The following KLF7 variants were observed in gnomAD, a reference collection of about 807,000 sequenced individuals.
KLF7 encodes the protein Krueppel-like factor 7.
In KLF7, 2 loss-of-function variants were observed where a neutral mutation model predicts 27.3. The ratio of observed to expected loss-of-function variants is 0.07; its 90% CI spans 0.03 to 0.23. The LOEUF (loss-of-function observed/expected upper bound fraction) is 0.23, where lower values mean the gene tolerates loss of function less well. Ranked by LOEUF, KLF7 falls within the 10% of genes least tolerant of loss-of-function variation. The pLI is 1.00. For synonymous variants in KLF7, 165 were observed against 162.4 expected, an observed-to-expected ratio of 1.02 and a Z score of -0.12; for missense variants, 221 against 394.1, an observed-to-expected ratio of 0.56 and a Z score of 3.72.
At chr2:207,162,438 A>T (rs2078576488) in intron 1 of KLF7, among the ~76,000 whole-genome samples, 1 of 152,224 alleles carries the variant, frequency 6.6e-6, no homozygotes, top group African/African-American at 2.4e-5. Context: ...ACAGGCAGAA[A>T]GATGATGTTA....
intron 1 of KLF7, among the ~76,000 whole-genome samples, chr2:207,141,082 G>T (rs1213250893): frequency 2.0e-5 from 3 of 151,874 alleles, no homozygotes; most frequent in African/African-American, 4.8e-5. Context: ...TATATATATA[G>T]AGATATATAA....
intron 2 of KLF7, among the ~76,000 whole-genome samples, chr2:207,115,198 A>G (rs561962855): frequency 6.6e-6 from 1 of 151,230 alleles, no homozygotes; most frequent in African/African-American, 2.4e-5. Flanking sequence ...AAGGGGGGGT[A>G]TGCCAAGGAA....
intron 1 of KLF7, among the ~76,000 whole-genome samples, chr2:207,126,662 G>T (rs939428506): frequency 8.5e-5 from 13 of 152,188 alleles, no homozygotes; most frequent in Non-Finnish European, 2.9e-5. Context: ...AATTTGCCGG[G>T]CGCAGTGGCT....
At chr2:207,119,554 T>C (rs886822938) in intron 2 of KLF7, among the ~76,000 whole-genome samples, 1 of 152,094 alleles carries the variant, frequency 6.6e-6, no homozygotes, top group Non-Finnish European at 1.5e-5. Context: ...ATGATCATAA[T>C]GGTAGAATTT....
intron 2 of KLF7, among the ~76,000 whole-genome samples, chr2:207,092,066 C>T (rs989670654): frequency 2.6e-5 from 4 of 152,236 alleles, no homozygotes; most frequent in African/African-American, 9.6e-5. Flanking sequence ...CTTTCACTCT[C>T]CCTTCTTTCA....
At position 207,146,287 on chromosome 2, in the gene KLF7, G is replaced by GTTA. The variant is rs960740596; in HGVS notation, c.102+19177_102+19179dup. 2.5e-4 allele frequency among the ~76,000 whole-genome samples: 38 copies of GTTA among 152,152 alleles called. 1 individual carries two copies. The South Asian group carries it at 5.2e-3, about 21-fold the overall frequency. On this transcript the variant is annotated intron_variant, in intron 1 of 3. Coordinates refer to ENST00000309446, the MANE Select transcript of KLF7 (RefSeq NM_003709.4). The stretch of plus-strand genomic sequence containing the variant: ...ACATTCTCTCCATTTTCTCTTGCAG[G>GTTA]TTACTTTGGGGGAATTCAAGACACA...
chr2:207,171,440 C>CT (rs2078785344), upstream of KLF7, among the ~76,000 whole-genome samples: 1 of 152,166 alleles, frequency 6.6e-6, no homozygotes, highest in South Asian at 2.1e-4. Context: ...AGGATTGACT[C>CT]TAATTTTGAA....
chr2:207,124,412 A>C lies in KLF7; in HGVS notation c.103-8T>G, dbSNP rs1199874587. 4 of 1,540,756 alleles carry C rather than the reference A, an allele frequency of 2.6e-6. No individual in the cohort carries two copies. In the African/African-American group the frequency reaches 4.1e-5, roughly 16 times the overall value. On this transcript the variant is annotated splice_polypyrimidine_tract_variant and splice_region_variant and intron_variant, in intron 1 of 3. Transcript: ENST00000309446. ...TTCCAATTCAAGGCATGTCTGCAAGAGGAAGAAGGAGGGAGAGAAACAGCC... is the reference window on the plus strand; with the variant it reads ...TTCCAATTCAAGGCATGTCTGCAAGCGGAAGAAGGAGGGAGAGAAACAGCC...
At chr2:207,144,166 GAGAAA>G (rs1461899120) in intron 1 of KLF7, among the ~76,000 whole-genome samples, 3 of 50,392 alleles carry the variant, frequency 6.0e-5, no homozygotes, top group Non-Finnish European at 1.4e-4. Context: ...CAGCGGGGGG[GAGAAA>G]AAAAAAAAAA....
intron 2 of KLF7, among the ~76,000 whole-genome samples, chr2:207,089,560 G>A (rs1055747788): frequency 1.3e-5 from 2 of 152,084 alleles, no homozygotes; most frequent in Non-Finnish European, 2.9e-5. Context: ...TTGGAAACCT[G>A]TGAAATCATG....
intron 1 of KLF7, 59 bp from the exon 2 acceptor site, chr2:207,124,463 C>A (rs1209432698): frequency 1.4e-6 from 2 of 1,479,958 alleles, no homozygotes; most frequent in Non-Finnish European, 1.8e-6. Flanking sequence ...CACCATGAGG[C>A]CACACGTTGA....
intron 2 of KLF7, among the ~76,000 whole-genome samples, chr2:207,116,720 TTCATTTACACAGACTTC>T (rs2077198218): frequency 6.6e-6 from 1 of 152,220 alleles, no homozygotes; most frequent in Non-Finnish European, 1.5e-5. Flanking sequence ...ATGTCATTTT[TTCATTTACACAGACTTC>T]TCATGACCCT....
intron 2 of KLF7, among the ~76,000 whole-genome samples, chr2:207,106,108 A>T (rs1297995131): frequency 1.3e-5 from 2 of 152,240 alleles, no homozygotes; most frequent in Non-Finnish European, 2.9e-5. Flanking sequence ...AGAAAATATA[A>T]AATTATATAT....
chr2:207,167,016 G>C, upstream of KLF7: 3 of 895,118 alleles, frequency 3.4e-6, no homozygotes, highest in Non-Finnish European at 4.4e-6. Flanking sequence ...CCGGCGGCTA[G>C]AGTTGATTGC....
intron 1 of KLF7, chr2:207,149,322 C>A: frequency 2.7e-6 from 1 of 367,290 alleles, no homozygotes. Flanking sequence ...GCACTTATCA[C>A]TGCTGAGGTT....
At chr2:207,096,598 G>A (rs563592290) in intron 2 of KLF7, among the ~76,000 whole-genome samples, 1 of 152,272 alleles carries the variant, frequency 6.6e-6, no homozygotes, top group Admixed American at 6.5e-5. Flanking sequence ...GCAGCTTGGT[G>A]CTTTTCAGAA....
chr2:207,162,470 T>C (rs563747846), intron 1 of KLF7, among the ~76,000 whole-genome samples: 2 of 152,348 alleles, frequency 1.3e-5, no homozygotes, highest in East Asian at 3.9e-4. Context: ...TGCTTAAGTA[T>C]GCAGTCAGAG....
chr2:207,124,558 T>A lies in KLF7; in HGVS notation c.103-154A>T, dbSNP rs1574505293. 4.4e-6 allele frequency: 3 copies of A among 689,332 alleles called. No homozygotes were observed. The East Asian group carries it at 8.1e-5, about 19-fold the overall frequency. The allele number at this position is 689,332 out of a possible 1,614,324, so 42.7% of individuals were successfully genotyped here. A position where few individuals can be genotyped will look rare whatever the true frequency, so the allele number is the denominator to read the frequency against. On this transcript the variant is annotated intron_variant, in intron 1 of 3. Transcript: ENST00000309446. ...GTAGAAGGTCTGACCTTGTTATTTA[T>A]TCTCTGAATACCTCTGAAAGGTTCA...
At chr2:207,143,937 T>C (rs944326345) in intron 1 of KLF7, among the ~76,000 whole-genome samples, 1 of 152,032 alleles carries the variant, frequency 6.6e-6, no homozygotes, top group Non-Finnish European at 1.5e-5. Flanking sequence ...ACAAAACCAA[T>C]AGAGCAGCAT....
Sources: allele counts gnomAD v4.1 joint callset (sites outside exome capture counted in the v4.1 genomes callset), GRCh38; gene constraint gnomAD v4.1.1; transcripts MANE v1.5; gene names NCBI Gene and HGNC (gene_info 2026-07-23, HGNC 2026-07-21).